Variants in GABRB1 observed in about 807,000 individuals in gnomAD.
GABRB1 encodes the protein gamma-aminobutyric acid type A receptor subunit beta1, also known as gamma-aminobutyric acid receptor subunit beta-1.
In GABRB1, 17 loss-of-function variants were observed where a neutral mutation model predicts 51.6. The observed-to-expected ratio is 0.33, with a 90% CI of 0.23 to 0.49. The LOEUF (loss-of-function observed/expected upper bound fraction) is 0.49, where lower values mean the gene tolerates loss of function less well. GABRB1 is among the 20% of genes least tolerant of loss of function. The pLI is 0.99. For missense variants in GABRB1, 410 were observed against 600.6 expected, an observed-to-expected ratio of 0.68 and a Z score of 3.32; for synonymous variants, 247 against 218.9, an observed-to-expected ratio of 1.13 and a Z score of -1.14.
chr4:47,321,152 G>A (rs1725067864), intron 5 of GABRB1, among the ~76,000 whole-genome samples: 1 of 152,112 alleles, frequency 6.6e-6, no homozygotes, highest in Admixed American at 6.5e-5. Flanking sequence ...AAATGCAGTA[G>A]CTAATCAGAA....
intron 4 of GABRB1, among the ~76,000 whole-genome samples, chr4:47,208,015 G>T (rs571227780): frequency 9.1e-4 from 138 of 152,064 alleles, no homozygotes; most frequent in African/African-American, 3.1e-3. Context: ...AAAAAAAAAT[G>T]ATTTTTCTGA....
chr4:47,312,316 C>A lies in GABRB1; in HGVS notation c.462-7811C>A, dbSNP rs1277232135. Among the ~76,000 whole-genome samples the A allele has an allele frequency of 5.3e-5, 8 of 152,176 alleles. No homozygotes were observed. The East Asian group carries it at 1.5e-3, about 29-fold the overall frequency. On this transcript the variant is annotated intron_variant, in intron 4 of 8. Coordinates refer to ENST00000295454, the MANE Select transcript of GABRB1 (RefSeq NM_000812.4). ...GCTCCCAGGATTTCACCTTCAAATA[C>A]CAATGTATTTTTCTAAACAGACTAG...
At chr4:47,077,956 T>A (rs1560523655) in intron 3 of GABRB1, among the ~76,000 whole-genome samples, 1 of 96,040 alleles carries the variant, frequency 1.0e-5, no homozygotes, top group Admixed American at 1.1e-4. Flanking sequence ...ATATTATATA[T>A]TTTATATATA....
At chr4:47,110,887 C>T (rs556796878) in intron 3 of GABRB1, among the ~76,000 whole-genome samples, 7 of 152,222 alleles carry the variant, frequency 4.6e-5, no homozygotes, top group African/African-American at 1.7e-4. Context: ...CACCATATGC[C>T]AGGGACTTTT....
chr4:47,343,251 A>C (rs1438136667), intron 5 of GABRB1, among the ~76,000 whole-genome samples: 1 of 152,138 alleles, frequency 6.6e-6, no homozygotes, highest in African/African-American at 2.4e-5. Flanking sequence ...GAACTTGGAC[A>C]GACAAGGAGA....
At chr4:47,247,591 A>G (rs1275029726) in intron 4 of GABRB1, among the ~76,000 whole-genome samples, 1 of 151,960 alleles carries the variant, frequency 6.6e-6, no homozygotes, top group Non-Finnish European at 1.5e-5. Context: ...ATTGCATTGA[A>G]TTTGTAGATT....
chr4:47,071,394 A>G (rs555289676), intron 3 of GABRB1, among the ~76,000 whole-genome samples: 1 of 152,234 alleles, frequency 6.6e-6, no homozygotes, highest in South Asian at 2.1e-4. Context: ...GAAAATTACA[A>G]GCATTAGTTT....
chr4:47,326,690 C>T (rs1293687174), intron 5 of GABRB1, among the ~76,000 whole-genome samples: 1 of 152,140 alleles, frequency 6.6e-6, no homozygotes, highest in Non-Finnish European at 1.5e-5. Flanking sequence ...AAGGACACAG[C>T]TAGAAGTTAC....
At chr4:47,067,595 T>C (rs1217364489) in intron 3 of GABRB1, among the ~76,000 whole-genome samples, 4 of 152,086 alleles carry the variant, frequency 2.6e-5, no homozygotes, top group African/African-American at 9.7e-5. Context: ...TTCCTTCCTT[T>C]TTTTCTGAGC....
rs1578043052 is a variant in GABRB1, at chr4:47,260,254, C to T, written c.462-59873C>T. On this transcript the variant is annotated intron_variant, in intron 4 of 8. Coordinates refer to ENST00000295454, the MANE Select transcript of GABRB1 (RefSeq NM_000812.4). The stretch of plus-strand genomic sequence containing the variant: ...TGAGATGGGTTTCCTGAATACAGCA[C>T]ACTGATGGGTCTTGACTCTTTATCC... Among the ~76,000 whole-genome samples, 3 of 151,640 alleles carry T rather than the reference C, an allele frequency of 2.0e-5. No individual in the cohort carries two copies. The South Asian group carries it at 6.2e-4, about 32-fold the overall frequency.
chr4:47,359,535 A>G (rs1032850308), intron 5 of GABRB1, among the ~76,000 whole-genome samples: 2 of 152,126 alleles, frequency 1.3e-5, no homozygotes, highest in African/African-American at 2.4e-5. Flanking sequence ...GAAAAAAATG[A>G]CCCAAAGTGA....
Position 47,426,027 on chromosome 4 carries a change from CTAATGGT to C in GABRB1, c.*11_*17del. The C allele has an allele frequency of 1.3e-6, 2 of 1,542,560 alleles. No individual in the cohort carries two copies. The highest frequency in any genetic ancestry group is 1.8e-6 in the Non-Finnish European group (2 of 1,140,956). On this transcript the variant is annotated 3_prime_UTR_variant, in exon 9 of 9. Coordinates refer to ENST00000295454, the MANE Select transcript of GABRB1 (RefSeq NM_000812.4). Reference sequence around the variant, plus strand: ...TTTACTATGTACACTGAGGTCTGTTCTAATGGTTCCATTTAGACTACTTTCCTCTTCT... The same window carrying C: ...TTTACTATGTACACTGAGGTCTGTTCTCCATTTAGACTACTTTCCTCTTCT...
chr4:47,071,412 A>G (rs1444669545), intron 3 of GABRB1, among the ~76,000 whole-genome samples: 1 of 152,074 alleles, frequency 6.6e-6, no homozygotes, highest in Non-Finnish European at 1.5e-5. Context: ...TTTGGCCTAC[A>G]CAATCTTTCT....
chr4:47,116,096 G>T (rs1182100503), intron 3 of GABRB1, among the ~76,000 whole-genome samples: 2 of 152,136 alleles, frequency 1.3e-5, no homozygotes. Context: ...TATGCAAGTA[G>T]CCTGTGGTTT....
chr4:47,395,986 T>C (rs1172293664), intron 5 of GABRB1, among the ~76,000 whole-genome samples: 1 of 152,214 alleles, frequency 6.6e-6, no homozygotes, highest in Non-Finnish European at 1.5e-5. Context: ...TCTTTATGGC[T>C]TTATAATAGT....
chr4:47,264,667 T>C (rs937508328), intron 4 of GABRB1, among the ~76,000 whole-genome samples: 1 of 152,252 alleles, frequency 6.6e-6, no homozygotes, highest in Non-Finnish European at 1.5e-5. Context: ...ATAATTTCCA[T>C]TTAATAAGTG....
chr4:47,363,771 T>A (rs563759320), intron 5 of GABRB1, among the ~76,000 whole-genome samples: 1 of 152,272 alleles, frequency 6.6e-6, no homozygotes, highest in African/African-American at 2.4e-5. Flanking sequence ...GTTTCCAAGT[T>A]AAGCTCCATC....
At chr4:47,084,077 G>A (rs942489994) in intron 3 of GABRB1, among the ~76,000 whole-genome samples, 1 of 152,196 alleles carries the variant, frequency 6.6e-6, no homozygotes, top group Non-Finnish European at 1.5e-5. Flanking sequence ...ATCAAAGGGA[G>A]TTATTAGAGT....
intron 3 of GABRB1, among the ~76,000 whole-genome samples, chr4:47,139,718 T>C (rs1287027691): frequency 1.3e-5 from 2 of 152,064 alleles, no homozygotes; most frequent in African/African-American, 4.8e-5. Flanking sequence ...TAGCTGATTC[T>C]AAATTCTCTA....
Sources: gnomAD v4.1 joint callset for allele counts (sites outside exome capture counted in the v4.1 genomes callset) on GRCh38, gnomAD v4.1.1 for gene constraint, MANE v1.5 for transcripts, NCBI Gene and HGNC (gene_info 2026-07-23, HGNC 2026-07-21) for gene names.